VPS13A: variants seen among roughly 807,000 people sequenced by gnomAD.
The protein encoded by VPS13A is vacuolar protein sorting 13 homolog A, also known as intermembrane lipid transfer protein VPS13A.
Under a neutral mutation model 390.9 loss-of-function variants are expected in VPS13A, and 264 were observed. That is an observed-to-expected ratio of 0.68 (90% CI 0.61 to 0.75). The LOEUF is 0.75. VPS13A is among the 30% of genes least tolerant of loss of function. The probability of loss-of-function intolerance (pLI) is 0.00; values close to 1 mark genes in which losing one functional copy is unlikely to be tolerated. For missense variants in VPS13A, 3,409 were observed against 3,733.9 expected (o/e 0.91, Z 2.27); for synonymous variants, 1,231 against 1,227.1 (o/e 1.00, Z -0.07).
At chr9:77,179,584 A>G (rs995111399) in intron 1 of VPS13A, among the ~76,000 whole-genome samples, 1 of 152,112 alleles carries the variant, frequency 6.6e-6, no homozygotes, top group South Asian at 2.1e-4. Flanking sequence ...TTTGGAGGTT[A>G]TAAATAAAGC....
At chr9:77,413,366 C>T (rs890569225) in intron 71 of VPS13A, among the ~76,000 whole-genome samples, 1 of 152,198 alleles carries the variant, frequency 6.6e-6, no homozygotes, top group Non-Finnish European at 1.5e-5. Flanking sequence ...GTAACCAAAA[C>T]AGCATGGTAC....
At chr9:77,384,897 A>G in intron 68 of VPS13A, 5 of 1,389,586 alleles carry the variant, frequency 3.6e-6, no homozygotes, top group Non-Finnish European at 4.7e-6. Context: ...CCAACATATT[A>G]TAGATTTGCT....
intron 23 of VPS13A, among the ~76,000 whole-genome samples, chr9:77,268,877 T>C (rs943156548): frequency 4.0e-5 from 6 of 151,580 alleles, no homozygotes; most frequent in Non-Finnish European, 5.9e-5. Flanking sequence ...GAGGTGGAGG[T>C]TGCAGTGAGC....
In VPS13A at chr9:77,314,653, A is replaced by G. The variant is rs1258730329; in HGVS notation, c.4401A>G (p.Lys1467=). The change falls in exon 37 of 72, where the codon AAA becomes AAG. Residue 1467 remains lysine (K), a synonymous_variant. Coordinates refer to ENST00000360280, the MANE Select transcript of VPS13A (RefSeq NM_033305.3). The part of the protein sequence containing the change: ...ILDDKRPHVK[K]ATPRMIGLTV... ...ATGATAAAAGACCTCATGTCAAGAA[A>G]GCAACTCCTCGGTATGTATTGTAAT... The G allele has an allele frequency of 2.5e-6, 4 of 1,612,146 alleles. No homozygotes were observed. Among genetic ancestry groups the G allele is most frequent in the Non-Finnish European group, 3.4e-6 (4 of 1,178,704 alleles).
chr9:77,190,794 ATC>A (rs1824632466), intron 1 of VPS13A, among the ~76,000 whole-genome samples: 2 of 152,156 alleles, frequency 1.3e-5, no homozygotes, highest in African/African-American at 4.8e-5. Context: ...TCCAGGTTCA[ATC>A]TTGGGAGGTT....
Position 77,339,505 on chromosome 9 carries a change from T to A in VPS13A, c.6379-11T>A, listed in dbSNP as rs1186157926. ...TTAAATTTTGTTTTGTTTTTTTTTTTTTTATTACAGGGAATTGAAAATTCG... is the reference window on the plus strand; with the variant it reads ...TTAAATTTTGTTTTGTTTTTTTTTTATTTATTACAGGGAATTGAAAATTCG... On this transcript the variant is annotated splice_polypyrimidine_tract_variant and intron_variant, in intron 47 of 71. Coordinates refer to ENST00000360280, the MANE Select transcript of VPS13A (RefSeq NM_033305.3). The A allele has an allele frequency of 6.5e-6, 10 of 1,527,506 alleles. No homozygotes were observed. Among genetic ancestry groups the A allele is most frequent in the Admixed American group, 2.2e-5 (1 of 46,288 alleles). 94.6% of individuals were successfully genotyped at this position (1,527,506 alleles called of 1,614,324 possible).
chr9:77,409,870 T>G (rs1834830945), intron 71 of VPS13A, among the ~76,000 whole-genome samples: 1 of 151,414 alleles, frequency 6.6e-6, no homozygotes, highest in Non-Finnish European at 1.5e-5. Flanking sequence ...GAAAACACTC[T>G]GCAGGATATT....
rs192606161 is a variant in VPS13A at position 77,362,816 on chromosome 9, T to C, written c.8211+2175T>C. Among the ~76,000 whole-genome samples the C allele has an allele frequency of 3.3e-3, 503 of 152,330 alleles. 2 individuals carry two copies. Among genetic ancestry groups the C allele is most frequent in the African/African-American group, 0.011 (464 of 41,584 alleles). ...CAATGTTTTGTTGTTTTTCAGAGTG[T>C]AAGTTTTACACATTTTTCATTAAAT... is the stretch of plus-strand genomic sequence containing the variant. On this transcript the variant is annotated intron_variant, in intron 59 of 71. Transcript: ENST00000360280.
intron 52 of VPS13A, among the ~76,000 whole-genome samples, chr9:77,346,255 C>T (rs1255166196): frequency 6.6e-6 from 1 of 151,894 alleles, no homozygotes; most frequent in Non-Finnish European, 1.5e-5. Flanking sequence ...ATTTGCATTT[C>T]CCTCATAATT....
At chr9:77,292,131 A>G (rs1827706277) in intron 31 of VPS13A, among the ~76,000 whole-genome samples, 1 of 151,812 alleles carries the variant, frequency 6.6e-6, no homozygotes, top group Non-Finnish European at 1.5e-5. Context: ...GAGGCTCCTC[A>G]CCTTTTCCAG....
rs1827944522 is a variant in VPS13A at position 77,295,624 on chromosome 9, TA to T, written c.3594del (p.Glu1199AsnfsTer38). The T allele has an allele frequency of 6.2e-7, 1 of 1,614,010 alleles. No individual in the cohort carries two copies. Among genetic ancestry groups the T allele is most frequent in the Non-Finnish European group, 8.5e-7 (1 of 1,179,928 alleles). On this transcript the variant is annotated frameshift_variant, in exon 33 of 72. Coordinates refer to ENST00000360280, the MANE Select transcript of VPS13A (RefSeq NM_033305.3). LOFTEE classifies it high-confidence loss of function. ...VQAAGMAATG[V>X]KELAQRSSRM... ...GCAGCTGGAATGGCTGCTACTGGTGTAAAAGAACTCGCACAAAGGAGTTCCA... is the reference window on the plus strand; with the variant it reads ...GCAGCTGGAATGGCTGCTACTGGTGTAAAGAACTCGCACAAAGGAGTTCCA...
intron 45 of VPS13A, among the ~76,000 whole-genome samples, chr9:77,331,635 GTAGA>G (rs1287242581): frequency 6.6e-6 from 1 of 151,844 alleles, no homozygotes; most frequent in Non-Finnish European, 1.5e-5. Flanking sequence ...TTCCCAGCCT[GTAGA>G]TTGTCACTTT....
intron 53 of VPS13A, 22 bp downstream of exon 53, chr9:77,351,468 T>C: frequency 6.2e-7 from 1 of 1,611,070 alleles, no homozygotes; most frequent in Non-Finnish European, 8.5e-7. Flanking sequence ...GTTATTATGG[T>C]GTTCCCAGCA....
intron 19 of VPS13A, 140 bp from the exon 20 acceptor site, chr9:77,247,119 G>T (rs1824862844): frequency 4.7e-6 from 3 of 635,276 alleles, no homozygotes; most frequent in Non-Finnish European, 7.4e-6. Context: ...ATTTTATATT[G>T]GAAGTATTTT....
rs539259686 is a variant in VPS13A, at chr9:77,213,092, T to C, written c.615+64T>C. On this transcript the variant is annotated intron_variant, in intron 8 of 71. Transcript: ENST00000360280. ...AGAATTTTGGAAAGCCAAATGATAA[T>C]ATATAGATAAGGATGTATGTGAATT... 195 of 1,581,674 alleles carry C rather than the reference T, an allele frequency of 1.2e-4. 2 individuals carry two copies. In the South Asian group the frequency reaches 2.0e-3, roughly 16 times the overall value.
chr9:77,370,642 G>A (rs781177255), intron 65 of VPS13A, 64 bp downstream of exon 65: 55 of 1,601,648 alleles, frequency 3.4e-5, no homozygotes, highest in East Asian at 4.5e-5. Context: ...CTACATTTGC[G>A]AATAAGGAAA....
chr9:77,215,985 C>T (rs976922583), intron 10 of VPS13A, among the ~76,000 whole-genome samples: 8 of 152,148 alleles, frequency 5.3e-5, no homozygotes, highest in South Asian at 2.1e-4. Flanking sequence ...TGAAGAACTC[C>T]GTGCTGGAGG....
intron 60 of VPS13A, among the ~76,000 whole-genome samples, chr9:77,366,151 G>C (rs374885542): frequency 2.6e-5 from 4 of 152,090 alleles, no homozygotes; most frequent in Non-Finnish European, 5.9e-5. Context: ...TGAAAATCTT[G>C]TAAGTCAGAA....
At chr9:77,293,604 A>AT (rs1587510685) in intron 32 of VPS13A, 96 bp downstream of exon 32, 4 of 667,516 alleles carry the variant, frequency 6.0e-6, no homozygotes, top group East Asian at 3.5e-5. Context: ...CTTGCTTGAG[A>AT]TTTTTTCTGA....
Sources: allele counts gnomAD v4.1 joint callset (sites outside exome capture counted in the v4.1 genomes callset), GRCh38; gene constraint gnomAD v4.1.1; transcripts MANE v1.5; gene names NCBI Gene and HGNC (gene_info 2026-07-23, HGNC 2026-07-21).